USP12: variants seen among roughly 807,000 people sequenced by gnomAD.
The protein encoded by USP12 is ubiquitin carboxyl-terminal hydrolase 12.
A neutral mutation model predicts 45.5 loss-of-function variants in USP12; 19 were observed. That is an observed-to-expected ratio of 0.42 (90% CI 0.29 to 0.61). The LOEUF is 0.61. Among genes scored for constraint, USP12 ranks in the 20% least tolerant of loss-of-function variants. The pLI is 0.22. For missense variants in USP12, 242 were observed against 447.7 expected (o/e 0.54, Z 4.15); for synonymous variants, 149 against 148.8 (o/e 1.00, Z -0.01).
intron 1 of USP12, among the ~76,000 whole-genome samples, chr13:27,132,910 A>T (rs1048532542): frequency 6.6e-6 from 1 of 152,252 alleles, no homozygotes; most frequent in African/African-American, 2.4e-5. Context: ...GACAGAAAGG[A>T]GGCTCCATTG....
At chr13:27,101,807 T>G (rs1874873444) in intron 3 of USP12, among the ~76,000 whole-genome samples, 1 of 152,230 alleles carries the variant, frequency 6.6e-6, no homozygotes, top group Admixed American at 6.5e-5. Flanking sequence ...TACTCAAATA[T>G]ATTTAACAGG....
intron 1 of USP12, among the ~76,000 whole-genome samples, chr13:27,142,952 G>A (rs1338029793): frequency 6.6e-6 from 1 of 151,642 alleles, no homozygotes; most frequent in East Asian, 1.9e-4. Flanking sequence ...AATTAACTGG[G>A]CGTGGTGCCA....
intron 6 of USP12, among the ~76,000 whole-genome samples, chr13:27,082,427 T>C (rs1321794711): frequency 6.6e-6 from 1 of 152,248 alleles, no homozygotes; most frequent in Non-Finnish European, 1.5e-5. Flanking sequence ...GGGAATGTTG[T>C]GGCTAGTTTG....
chr13:27,163,103 CAAATTTTGAAAAATCAAT>C (rs1163715646), intron 1 of USP12, among the ~76,000 whole-genome samples: 1 of 151,660 alleles, frequency 6.6e-6, no homozygotes, highest in Non-Finnish European at 1.5e-5. Flanking sequence ...AAAATACAAG[CAAATTTTGAAAAATCAAT>C]GTAATTCAAT....
intron 2 of USP12, among the ~76,000 whole-genome samples, chr13:27,112,163 C>T (rs12865483): frequency 0.18 from 27,540 of 152,048 alleles, 3,230 homozygotes; most frequent in South Asian, 0.29. Flanking sequence ...TGTTGTTTAC[C>T]AGTTTCTTCA....
rs767108556 is a variant in USP12, at chr13:27,170,757, A to G, written c.48+835T>C. On this transcript the variant is annotated intron_variant, in intron 1 of 8. Coordinates refer to ENST00000282344, the MANE Select transcript of USP12 (RefSeq NM_182488.4). ...CACAGACAGACCTAGCTCCAGCCAC[A>G]TACAGATGTGTCTGGTGGGCTGAAG... Among the ~76,000 whole-genome samples the G allele has an allele frequency of 1.1e-3, 170 of 152,348 alleles. 1 individual carries two copies. The highest frequency in any genetic ancestry group is 1.6e-3 in the Non-Finnish European group (108 of 68,034).
chr13:27,121,342 G>T (rs927807039), intron 1 of USP12, among the ~76,000 whole-genome samples: 1 of 146,808 alleles, frequency 6.8e-6, no homozygotes, highest in Admixed American at 6.8e-5. Context: ...AGAATTCAAA[G>T]AAATCCTAAA....
At chr13:27,127,626 T>G (rs1425811690) in intron 1 of USP12, among the ~76,000 whole-genome samples, 2 of 152,148 alleles carry the variant, frequency 1.3e-5, no homozygotes, top group Non-Finnish European at 2.9e-5. Flanking sequence ...ATATCCCTCC[T>G]AAAAATCTTC....
At chr13:27,148,501 C>G (rs1469306813) in intron 1 of USP12, among the ~76,000 whole-genome samples, 1 of 151,386 alleles carries the variant, frequency 6.6e-6, no homozygotes, top group South Asian at 2.1e-4. Flanking sequence ...TAGCGAAACC[C>G]CGTCTCTACT....
intron 7 of USP12, among the ~76,000 whole-genome samples, chr13:27,073,083 G>A (rs1257131081): frequency 6.6e-6 from 1 of 152,170 alleles, no homozygotes; most frequent in African/African-American, 2.4e-5. Context: ...TAGTATTTAT[G>A]TGAAGACAAT....
At chr13:27,092,737 TA>T (rs1198573862) in intron 4 of USP12, among the ~76,000 whole-genome samples, 7 of 152,156 alleles carry the variant, frequency 4.6e-5, no homozygotes, top group Non-Finnish European at 8.8e-5. Flanking sequence ...ATCATAGACT[TA>T]AATATAAAAT....
At chr13:27,138,439 C>A (rs1240142627) in intron 1 of USP12, among the ~76,000 whole-genome samples, 1 of 152,154 alleles carries the variant, frequency 6.6e-6, no homozygotes, top group Non-Finnish European at 1.5e-5. Context: ...GATGGTGTAT[C>A]CCCTGTATCG....
At chr13:27,111,865 C>G (rs1344759163) in intron 2 of USP12, among the ~76,000 whole-genome samples, 1 of 152,096 alleles carries the variant, frequency 6.6e-6, no homozygotes, top group Non-Finnish European at 1.5e-5. Context: ...ATTTGATAGT[C>G]TGTGATGTTC....
intron 6 of USP12, among the ~76,000 whole-genome samples, chr13:27,080,994 G>A (rs1029831596): frequency 4.9e-4 from 74 of 151,466 alleles, no homozygotes; most frequent in Admixed American, 4.0e-4. Context: ...GCTGAAGGTC[G>A]GGGTGGCTGA....
intron 1 of USP12, among the ~76,000 whole-genome samples, chr13:27,150,816 CTTT>C (rs1162568479): frequency 6.6e-6 from 1 of 152,150 alleles, no homozygotes; most frequent in Admixed American, 6.5e-5. Flanking sequence ...AAAGAATAGT[CTTT>C]TTAACAACTG....
chr13:27,099,462 C>T (rs1874759611), intron 3 of USP12, among the ~76,000 whole-genome samples: 1 of 152,060 alleles, frequency 6.6e-6, no homozygotes, highest in African/African-American at 2.4e-5. Flanking sequence ...TAAACAATTA[C>T]TTCCCAAACC....
chr13:27,154,510 T>C (rs1028583175), intron 1 of USP12, among the ~76,000 whole-genome samples: 9 of 152,158 alleles, frequency 5.9e-5, no homozygotes, highest in Non-Finnish European at 8.8e-5. Context: ...GATAACCACG[T>C]CTTAATGTTC....
chr13:27,157,252 C>A (rs901493919), intron 1 of USP12, among the ~76,000 whole-genome samples: 4 of 152,128 alleles, frequency 2.6e-5, no homozygotes, highest in African/African-American at 7.2e-5. Flanking sequence ...CACTTCTGAT[C>A]CCTTTTTGCT....
chr13:27,125,359 A>C (rs1876177494), intron 1 of USP12, among the ~76,000 whole-genome samples: 1 of 152,204 alleles, frequency 6.6e-6, no homozygotes, highest in African/African-American at 2.4e-5. Flanking sequence ...TTAAAGATGT[A>C]GAGATAAGAG....
Sources: gnomAD v4.1 joint callset for allele counts (sites outside exome capture counted in the v4.1 genomes callset) on GRCh38, gnomAD v4.1.1 for gene constraint, MANE v1.5 for transcripts, NCBI Gene and HGNC (gene_info 2026-07-23, HGNC 2026-07-21) for gene names.